Variants in SYCP1 observed in about 807,000 individuals in gnomAD.
SYCP1 encodes synaptonemal complex protein 1.
A neutral mutation model predicts 153.1 loss-of-function variants in SYCP1; 64 were observed. The observed-to-expected ratio is 0.42, with a 90% CI of 0.34 to 0.51. SYCP1 has a LOEUF of 0.51. Among genes scored for constraint, SYCP1 ranks in the 20% least tolerant of loss-of-function variants. The pLI, the probability that SYCP1 is intolerant of heterozygous loss-of-function variation, is 0.06. For missense variants in SYCP1, 997 were observed against 1,049.0 expected, an observed-to-expected ratio of 0.95 and a Z score of 0.68; for synonymous variants, 384 against 341.8, an observed-to-expected ratio of 1.12 and a Z score of -1.36.
chr1:114,930,147 T>C (rs1053864774), intron 23 of SYCP1, among the ~76,000 whole-genome samples: 13 of 151,962 alleles, frequency 8.6e-5, no homozygotes, highest in African/African-American at 2.7e-4. Context: ...AACGGAATGA[T>C]GAGATAGACA....
chr1:114,896,877 G>T (rs1222195341), intron 16 of SYCP1, among the ~76,000 whole-genome samples: 1 of 152,184 alleles, frequency 6.6e-6, no homozygotes, highest in Non-Finnish European at 1.5e-5. Flanking sequence ...GGTGTGTAAG[G>T]CAGGCTTTAT....
Position 114,864,545 on chromosome 1 carries a change from G to A in SYCP1, c.598+3736G>A, listed in dbSNP as rs112899405. ...ACACTGTTGCCCAGGCTGGAGTGCA[G>A]TGGTTCCATCTTGGCTCACCATAAC... On this transcript the variant is annotated intron_variant, in intron 8 of 31. Transcript: ENST00000369522. Among the ~76,000 whole-genome samples the A allele has an allele frequency of 6.6e-5, 10 of 152,150 alleles. 1 individual carries two copies. The highest frequency in any genetic ancestry group is 2.4e-4 in the African/African-American group (10 of 41,514).
At chr1:114,960,941 T>G (rs1166000347) in intron 27 of SYCP1, among the ~76,000 whole-genome samples, 2 of 152,232 alleles carry the variant, frequency 1.3e-5, no homozygotes, top group South Asian at 2.1e-4. Context: ...GCCAATTCTT[T>G]GAATGTCTGA....
chr1:114,899,386 T>C (rs1045999923), intron 16 of SYCP1, among the ~76,000 whole-genome samples: 2 of 152,244 alleles, frequency 1.3e-5, no homozygotes, highest in African/African-American at 4.8e-5. Context: ...TTCAGTTTTC[T>C]GAATTCATTC....
intron 15 of SYCP1, among the ~76,000 whole-genome samples, chr1:114,888,125 T>A (rs1015877448): frequency 1.3e-5 from 2 of 152,158 alleles, no homozygotes; most frequent in African/African-American, 4.8e-5. Context: ...TAAGGTGTTA[T>A]TAAAATTCAA....
chr1:114,982,302 C>T (rs1463038693), intron 29 of SYCP1, among the ~76,000 whole-genome samples: 1 of 151,898 alleles, frequency 6.6e-6, no homozygotes, highest in Admixed American at 6.6e-5. Flanking sequence ...TGAAAAGGAT[C>T]TCAATTGTCT....
At chr1:114,908,600 G>T (rs184958290) in intron 16 of SYCP1, among the ~76,000 whole-genome samples, 4 of 152,128 alleles carry the variant, frequency 2.6e-5, no homozygotes, top group Admixed American at 2.6e-4. Context: ...CTGATAGTCA[G>T]ATTCACTGTC....
chr1:114,966,397 TG>T (rs1672130315), intron 27 of SYCP1, among the ~76,000 whole-genome samples: 1 of 152,166 alleles, frequency 6.6e-6, no homozygotes, highest in Non-Finnish European at 1.5e-5. Flanking sequence ...CTTTTGAATC[TG>T]TTTGTTTTTT....
chr1:114,883,980 CG>C (rs34264494), intron 12 of SYCP1, among the ~76,000 whole-genome samples: 2 of 152,204 alleles, frequency 1.3e-5, no homozygotes, highest in Non-Finnish European at 2.9e-5. Context: ...CATGAACCAC[CG>C]GGCCTGGCCC....
At chr1:114,945,791 T>TTTA (rs10645620) in intron 25 of SYCP1, among the ~76,000 whole-genome samples, 75,439 of 151,548 alleles carry the variant, frequency 0.5, 20,002 homozygotes, top group Middle Eastern at 0.62. Context: ...TAATAATTTT[T>TTTA]TTATTATACT....
intron 3 of SYCP1, 73 bp from the exon 4 acceptor site, chr1:114,857,159 A>ATT: frequency 4.3e-6 from 3 of 693,178 alleles, no homozygotes; most frequent in African/African-American, 2.0e-5. Context: ...AAAAAAAAAG[A>ATT]GAAAAAAGAA....
chr1:114,994,016 C>G (rs1674104152), intron 30 of SYCP1, among the ~76,000 whole-genome samples: 1 of 150,886 alleles, frequency 6.6e-6, no homozygotes, highest in Non-Finnish European at 1.5e-5. Flanking sequence ...CATTTATGTC[C>G]TCAAGGTTTA....
chr1:114,865,677 T>C (rs969599630), intron 8 of SYCP1, among the ~76,000 whole-genome samples: 1 of 152,030 alleles, frequency 6.6e-6, no homozygotes, highest in Non-Finnish European at 1.5e-5. Context: ...TTTGTTACAA[T>C]TGATGAACCT....
At chr1:114,860,901 C>A (rs950596763) in intron 8 of SYCP1, 92 bp downstream of exon 8, 1 of 936,118 alleles carries the variant, frequency 1.1e-6, no homozygotes, top group African/African-American at 1.7e-5. Flanking sequence ...ATTTTTGGAA[C>A]CAATTTGATT....
At chr1:114,991,567 C>A (rs1002480134) in intron 30 of SYCP1, among the ~76,000 whole-genome samples, 2 of 151,668 alleles carry the variant, frequency 1.3e-5, no homozygotes, top group Non-Finnish European at 2.9e-5. Context: ...ATATCATCAT[C>A]GTGATGCAAA....
At chr1:114,893,059 CTT>C (rs1439754922) in intron 15 of SYCP1, among the ~76,000 whole-genome samples, 1 of 152,166 alleles carries the variant, frequency 6.6e-6, no homozygotes, top group African/African-American at 2.4e-5. Context: ...TGACACATCT[CTT>C]TTGAATTCCA....
chr1:114,980,908 T>C (rs1449171198), intron 28 of SYCP1, among the ~76,000 whole-genome samples: 2 of 151,994 alleles, frequency 1.3e-5, no homozygotes, highest in Non-Finnish European at 2.9e-5. Flanking sequence ...GTTAGTTATT[T>C]TTCCTGATCC....
intron 12 of SYCP1, among the ~76,000 whole-genome samples, chr1:114,879,349 A>C (rs1217063855): frequency 6.6e-6 from 1 of 152,192 alleles, no homozygotes; most frequent in African/African-American, 2.4e-5. Context: ...TATACCTGCT[A>C]ATTTCATCTT....
chr1:114,866,899 AT>A (rs1664785251), intron 8 of SYCP1, among the ~76,000 whole-genome samples: 1 of 145,096 alleles, frequency 6.9e-6, no homozygotes, highest in Non-Finnish European at 1.5e-5. Context: ...CTGTGTCCAG[AT>A]TCTTTTTTTT....
Sources: allele counts gnomAD v4.1 joint callset (sites outside exome capture counted in the v4.1 genomes callset), GRCh38; gene constraint gnomAD v4.1.1; transcripts MANE v1.5; gene names NCBI Gene and HGNC (gene_info 2026-07-23, HGNC 2026-07-21).